Variants in GPM6A observed in about 807,000 individuals in gnomAD.
The protein encoded by GPM6A is glycoprotein M6A.
GPM6A carries 7 observed loss-of-function variants against 32.1 expected under a neutral mutation model. That is an observed-to-expected ratio of 0.22 (90% CI 0.12 to 0.41). The LOEUF is 0.41. Among genes scored for constraint, GPM6A ranks in the 10% least tolerant of loss-of-function variants. The pLI is 1.00. For missense variants in GPM6A, 235 were observed against 347.2 expected, an observed-to-expected ratio of 0.68 and a Z score of 2.57; for synonymous variants, 130 against 123.4, an observed-to-expected ratio of 1.05 and a Z score of -0.35.
intron 1 of GPM6A, among the ~76,000 whole-genome samples, chr4:175,870,321 A>C (rs1736868081): frequency 6.6e-6 from 1 of 152,136 alleles, no homozygotes; most frequent in East Asian, 1.9e-4. Flanking sequence ...ATGCATTATT[A>C]AAAAGTCCCT....
intron 2 of GPM6A, among the ~76,000 whole-genome samples, chr4:175,698,953 A>G (rs1228560285): frequency 1.3e-5 from 2 of 152,198 alleles, no homozygotes; most frequent in Non-Finnish European, 2.9e-5. Flanking sequence ...TTTAAATATC[A>G]AATATCTTAA....
At chr4:175,928,871 T>C (rs554385681) in intron 1 of GPM6A, among the ~76,000 whole-genome samples, 10 of 152,332 alleles carry the variant, frequency 6.6e-5, no homozygotes, top group South Asian at 6.2e-4. Context: ...CTCTGAAAAC[T>C]AAAGTAATGA....
At chr4:175,723,099 A>G (rs752080995) in intron 1 of GPM6A, among the ~76,000 whole-genome samples, 52 of 152,184 alleles carry the variant, frequency 3.4e-4, no homozygotes, top group Admixed American at 6.5e-4. Flanking sequence ...TCATAATGAG[A>G]TTCTAAATAT....
intron 1 of GPM6A, among the ~76,000 whole-genome samples, chr4:175,751,834 G>A (rs1732350210): frequency 6.6e-6 from 1 of 151,298 alleles, no homozygotes; most frequent in African/African-American, 2.4e-5. Flanking sequence ...ATCATGGAGA[G>A]GAAAAAAAGG....
chr4:176,002,285 GT>G, intron 1 of GPM6A: 1 of 1,599,274 alleles, frequency 6.3e-7, no homozygotes, highest in South Asian at 1.1e-5. Flanking sequence ...TGGGCGAGGT[GT>G]ACGCGCCCGC....
chr4:175,671,033 T>A (rs1369713474), intron 3 of GPM6A, among the ~76,000 whole-genome samples: 8 of 151,770 alleles, frequency 5.3e-5, no homozygotes, highest in Non-Finnish European at 8.8e-5. Flanking sequence ...CCGGCTAATT[T>A]TTTTATTTTT....
At chr4:175,964,641 G>A (rs1235898098) in intron 1 of GPM6A, among the ~76,000 whole-genome samples, 2 of 152,096 alleles carry the variant, frequency 1.3e-5, no homozygotes, top group African/African-American at 4.8e-5. Flanking sequence ...TATTGGATTA[G>A]GGCCACCCTA....
rs188717779 is a variant in GPM6A, at chr4:175,935,984, C to G, written c.-23+66325G>C. On this transcript the variant is annotated intron_variant, in intron 1 of 7. Transcript: ENST00000280187. ...CAATAACTTGAATAGAATATAATGACTAAATATTTAGTAAAAAAAAATAAA... is the reference window on the plus strand; with the variant it reads ...CAATAACTTGAATAGAATATAATGAGTAAATATTTAGTAAAAAAAAATAAA... 3.1e-3 allele frequency among the ~76,000 whole-genome samples: 466 copies of G among 150,594 alleles called. 1 individual carries two copies. Among genetic ancestry groups the G allele is most frequent in the Non-Finnish European group, 5.0e-3 (337 of 67,738 alleles).
At chr4:175,659,251 T>G (rs1742264571) in intron 3 of GPM6A, among the ~76,000 whole-genome samples, 1 of 152,032 alleles carries the variant, frequency 6.6e-6, no homozygotes, top group African/African-American at 2.4e-5. Flanking sequence ...CATGGCTAAT[T>G]TTTTGTGTAG....
intron 2 of GPM6A, among the ~76,000 whole-genome samples, chr4:175,689,782 G>C (rs17061775): frequency 0.047 from 7,178 of 152,242 alleles, 204 homozygotes; most frequent in Non-Finnish European, 0.063. Flanking sequence ...TGTTTGTGAG[G>C]CTTCTCCCAA....
intron 1 of GPM6A, among the ~76,000 whole-genome samples, chr4:175,851,484 C>CAA (rs564843754): frequency 6.7e-4 from 36 of 54,050 alleles, no homozygotes; most frequent in East Asian, 9.9e-4. Flanking sequence ...GACTCCGTCT[C>CAA]AAAAAAAAAA....
chr4:175,742,358 T>C (rs1202407535), intron 1 of GPM6A, among the ~76,000 whole-genome samples: 1 of 152,154 alleles, frequency 6.6e-6, no homozygotes, highest in African/African-American at 2.4e-5. Flanking sequence ...GCTTAAAATA[T>C]AAACTAATTA....
At position 175,788,648 on chromosome 4, in the gene GPM6A, GC is replaced by G. The variant is rs201790179; in HGVS notation, c.37+23542del. ...TTTATTACTGTTAATTATTTGCATA[GC>G]AGAAAATGAAAATTTTACAGAATCA... On this transcript the variant is annotated intron_variant, in intron 1 of 6. Coordinates refer to ENST00000393658, the MANE Select transcript of GPM6A (RefSeq NM_201591.3). 9.9e-3 allele frequency among the ~76,000 whole-genome samples: 1,513 copies of G among 152,172 alleles called. 17 individuals are homozygous for G. The highest frequency in any genetic ancestry group is 0.017 in the Non-Finnish European group (1,159 of 67,974).
chr4:175,736,639 T>C (rs1172030953), intron 1 of GPM6A, among the ~76,000 whole-genome samples: 3 of 152,226 alleles, frequency 2.0e-5, no homozygotes, highest in Non-Finnish European at 2.9e-5. Context: ...TAGTGAAATA[T>C]AGCCTTCAGA....
At chr4:175,822,767 C>T (rs537535984) in intron 1 of GPM6A, among the ~76,000 whole-genome samples, 8 of 151,804 alleles carry the variant, frequency 5.3e-5, no homozygotes, top group South Asian at 2.1e-4. Flanking sequence ...CCTATCAACT[C>T]GTCATCTAGG....
At chr4:175,907,592 A>G (rs1440796495) in intron 1 of GPM6A, among the ~76,000 whole-genome samples, 1 of 152,148 alleles carries the variant, frequency 6.6e-6, no homozygotes, top group Admixed American at 6.6e-5. Context: ...GAAGCAGGAA[A>G]GTCACTCTCA....
chr4:175,711,875 G>A (rs1428404503), intron 1 of GPM6A, among the ~76,000 whole-genome samples: 2 of 152,030 alleles, frequency 1.3e-5, no homozygotes, highest in Admixed American at 6.5e-5. Context: ...ACCCTTATAT[G>A]TGTCTGCAAG....
At chr4:175,772,347 G>A (rs1733224187) in intron 1 of GPM6A, among the ~76,000 whole-genome samples, 1 of 152,166 alleles carries the variant, frequency 6.6e-6, no homozygotes, top group African/African-American at 2.4e-5. Context: ...CTCAGGAAAG[G>A]CTGAAGTCCT....
chr4:175,738,119 G>T (rs1171758074), intron 1 of GPM6A, among the ~76,000 whole-genome samples: 1 of 152,072 alleles, frequency 6.6e-6, no homozygotes, highest in Non-Finnish European at 1.5e-5. Context: ...TGTATTTTTA[G>T]TAGAGGTGGG....
Sources: allele counts gnomAD v4.1 joint callset (sites outside exome capture counted in the v4.1 genomes callset), GRCh38; gene constraint gnomAD v4.1.1; transcripts MANE v1.5; gene names NCBI Gene and HGNC (gene_info 2026-07-23, HGNC 2026-07-21).